Variants in RERE observed in about 807,000 individuals in gnomAD.
RERE encodes the protein arginine-glutamic acid dipeptide repeats.
RERE carries 40 observed loss-of-function variants against 146.1 expected under a neutral mutation model. The ratio of observed to expected loss-of-function variants is 0.27; its 90% CI spans 0.21 to 0.36. RERE has a LOEUF of 0.36. Ranked by LOEUF, RERE falls within the 10% of genes least tolerant of loss-of-function variation. The pLI is 1.00. For synonymous variants in RERE, 1,003 were observed against 866.0 expected, an observed-to-expected ratio of 1.16 and a Z score of -2.78; for missense variants, 1,933 against 2,138.7, an observed-to-expected ratio of 0.90 and a Z score of 1.90.
chr1:8,500,394 T>G (rs533680805), intron 8 of RERE, among the ~76,000 whole-genome samples: 1 of 152,322 alleles, frequency 6.6e-6, no homozygotes, highest in East Asian at 1.9e-4. Context: ...AATTGATGAG[T>G]TGGAGACGGG....
At chr1:8,478,216 A>G (rs1010339187) in intron 10 of RERE, among the ~76,000 whole-genome samples, 1 of 152,252 alleles carries the variant, frequency 6.6e-6, no homozygotes, top group African/African-American at 2.4e-5. Context: ...TATTATGCAA[A>G]CCAAAGAGCT....
At chr1:8,504,610 T>C (rs1386977053) in intron 8 of RERE, among the ~76,000 whole-genome samples, 1 of 152,094 alleles carries the variant, frequency 6.6e-6, no homozygotes, top group Non-Finnish European at 1.5e-5. Context: ...TCCCAGCACT[T>C]TGGGAGGCCA....
chr1:8,467,147 C>T (rs2124131321), intron 10 of RERE, among the ~76,000 whole-genome samples: 1 of 152,324 alleles, frequency 6.6e-6, no homozygotes, highest in South Asian at 2.1e-4. Flanking sequence ...GTAAACAACA[C>T]AGAGATCCCC....
At position 8,359,915 on chromosome 1, in the gene RERE, C is replaced by A; in HGVS notation, c.3467G>T (p.Gly1156Val). The A allele has an allele frequency of 6.2e-7, 1 of 1,613,398 alleles. No individual in the cohort carries two copies. Among genetic ancestry groups the A allele is most frequent in the Non-Finnish European group, 8.5e-7 (1 of 1,180,040 alleles). The change falls in exon 19 of 23, where the codon GGG becomes GTG. Residue 1156 changes from glycine (G) to valine (V), a missense_variant. By Grantham distance (109) the Gly-to-Val change is moderately radical. Around this residue, in one of 11 missense-constraint regions of RERE, gnomAD observed 1,255 missense variants for 1,153.8 expected, o/e 1.09. Coordinates refer to ENST00000400908, the MANE Select transcript of RERE (RefSeq NM_001042681.2). ...RTDLYFMPLA[G>V]SKLAKKREEA... ...CTCCCTCTTCTTGGCCAGCTTGGAC[C>A]CGGCCAGAGGCATGAAGTACAGGTC...
At chr1:8,372,371 A>G (rs1333708769) in intron 12 of RERE, among the ~76,000 whole-genome samples, 1 of 151,996 alleles carries the variant, frequency 6.6e-6, no homozygotes, top group African/African-American at 2.4e-5. Context: ...TTTGGTAATT[A>G]TATCATTATT....
Position 8,364,892 on chromosome 1 carries a change from A to G in RERE, c.1448-54T>C. The G allele has an allele frequency of 2.6e-6, 1 of 388,604 alleles. No homozygotes were observed. Among genetic ancestry groups the G allele is most frequent in the Non-Finnish European group, 4.8e-6 (1 of 206,238 alleles). The allele number at this position is 388,604 out of a possible 1,614,324, so 24.1% of individuals were successfully genotyped here. ...GGGGGAGACACCATCATGCTCAGCC[A>G]AGGCTGGGCCGGTGGGGTGGGGGGG... On this transcript the variant is annotated intron_variant, in intron 13 of 22. Transcript: ENST00000400908. This position sits in a 1 kb window ranked among gnomAD's most constrained non-coding sequence, Gnocchi z 5.1.
intron 10 of RERE, among the ~76,000 whole-genome samples, chr1:8,488,489 G>A (rs145817286): frequency 5.8e-4 from 88 of 152,158 alleles, no homozygotes; most frequent in African/African-American, 1.9e-3. Flanking sequence ...CAGGCGATCC[G>A]CTCACCTCGG....
At chr1:8,382,803 C>T (rs1260615241) in intron 12 of RERE, among the ~76,000 whole-genome samples, 1 of 152,104 alleles carries the variant, frequency 6.6e-6, no homozygotes, top group African/African-American at 2.4e-5. Context: ...GGAACCTCCT[C>T]GAGACTCTCC....
At chr1:8,502,877 T>C (rs1570354991) in intron 8 of RERE, among the ~76,000 whole-genome samples, 1 of 150,430 alleles carries the variant, frequency 6.6e-6, no homozygotes, top group South Asian at 2.1e-4. Context: ...GTTAAACAGA[T>C]GCTTGAAGGC....
At chr1:8,697,396 C>CA (rs1553135821) in intron 1 of RERE, among the ~76,000 whole-genome samples, 2 of 117,448 alleles carry the variant, frequency 1.7e-5, no homozygotes, top group Non-Finnish European at 3.5e-5. Context: ...CCCCACACAA[C>CA]TTTTTTTTTT....
chr1:8,642,551 T>C (rs1052577461), intron 2 of RERE, among the ~76,000 whole-genome samples: 1 of 152,140 alleles, frequency 6.6e-6, no homozygotes, highest in African/African-American at 2.4e-5. Context: ...AGAAACCAAA[T>C]ATTAAATTAG....
intron 10 of RERE, among the ~76,000 whole-genome samples, chr1:8,470,875 G>C (rs1443593028): frequency 8.0e-6 from 1 of 125,352 alleles, no homozygotes; most frequent in Non-Finnish European, 1.6e-5. Flanking sequence ...CTGGAGTGCA[G>C]TGGCACAATT....
intron 1 of RERE, among the ~76,000 whole-genome samples, chr1:8,680,931 A>T (rs1229423233): frequency 1.3e-5 from 2 of 152,196 alleles, no homozygotes; most frequent in Non-Finnish European, 2.9e-5. Flanking sequence ...TCTCGCAGGA[A>T]TACTTGCAAA....
At chr1:8,625,306 A>T (rs1295030218) in intron 2 of RERE, among the ~76,000 whole-genome samples, 8 of 152,196 alleles carry the variant, frequency 5.3e-5, no homozygotes, top group Non-Finnish European at 1.0e-4. Context: ...ATAAAAAGCA[A>T]TGATTTTAAG....
At position 8,364,731 on chromosome 1, in the gene RERE, G is replaced by A. The variant is rs1244266403; in HGVS notation, c.1540+15C>T. On this transcript the variant is annotated intron_variant, in intron 14 of 22. Transcript: ENST00000400908. This position sits in a 1 kb window ranked among gnomAD's most constrained non-coding sequence, Gnocchi z 5.1. ...TGCCCCCGCCCCGCCCCAGGAGCGT[G>A]ACGAGGCCACTTACTGGTGGTGAAG... is the stretch of plus-strand genomic sequence containing the variant. 6.2e-7 allele frequency: 1 copy of A among 1,604,714 alleles called. No individual in the cohort carries two copies. The highest frequency in any genetic ancestry group is 8.5e-7 in the Non-Finnish European group (1 of 1,171,480).
rs565678583 is a variant in RERE at position 8,395,758 on chromosome 1, A to C, written c.1284+26969T>G. On this transcript the variant is annotated intron_variant, in intron 12 of 22. Coordinates refer to ENST00000400908, the MANE Select transcript of RERE (RefSeq NM_001042681.2). ...TCTAAAACGGGAGAGGAGAGGAAAC[A>C]AAAACCAAAACCAAAACCACCACCA... Among the ~76,000 whole-genome samples the C allele has an allele frequency of 1.3e-4, 20 of 152,288 alleles. No homozygotes were observed. The East Asian group carries it at 1.5e-3, about 12-fold the overall frequency.
At chr1:8,548,057 C>T (rs866320454) in intron 6 of RERE, among the ~76,000 whole-genome samples, 4 of 152,124 alleles carry the variant, frequency 2.6e-5, no homozygotes, top group Admixed American at 6.5e-5. Flanking sequence ...AGAGCAATTC[C>T]CACAATATAC....
At chr1:8,676,909 A>T (rs1638851983) in intron 1 of RERE, among the ~76,000 whole-genome samples, 2 of 152,124 alleles carry the variant, frequency 1.3e-5, no homozygotes, top group Admixed American at 1.3e-4. Context: ...TAATATCTTC[A>T]TTCAAAAACT....
chr1:8,598,978 A>T (rs1410021426), intron 4 of RERE, among the ~76,000 whole-genome samples: 1 of 152,210 alleles, frequency 6.6e-6, no homozygotes, highest in Non-Finnish European at 1.5e-5. Context: ...GGCTGCAAAC[A>T]TCCCCCAGCA....
Sources: allele counts gnomAD v4.1 joint callset (sites outside exome capture counted in the v4.1 genomes callset), GRCh38; gene constraint gnomAD v4.1.1; regional missense constraint gnomAD v4.1.1; non-coding constraint Gnocchi (gnomAD v3.1); transcripts MANE v1.5; gene names NCBI Gene and HGNC (gene_info 2026-07-23, HGNC 2026-07-21).